PPFIA2: variants seen among roughly 807,000 people sequenced by gnomAD.
The protein encoded by PPFIA2 is PPFI scaffold protein A2.
A neutral mutation model predicts 175.5 loss-of-function variants in PPFIA2; 46 were observed. The observed-to-expected ratio is 0.26, with a 90% CI of 0.21 to 0.34. The LOEUF (loss-of-function observed/expected upper bound fraction) is 0.34. PPFIA2 is among the 10% of genes least tolerant of loss of function. The pLI, the probability that PPFIA2 is intolerant of heterozygous loss-of-function variation, is 1.00. For synonymous variants in PPFIA2, 568 were observed against 511.4 expected, an observed-to-expected ratio of 1.11 and a Z score of -1.49; for missense variants, 1,179 against 1,506.1, an observed-to-expected ratio of 0.78 and a Z score of 3.60.
At chr12:81,461,841 C>T (rs577128915) in intron 4 of PPFIA2, among the ~76,000 whole-genome samples, 10 of 152,112 alleles carry the variant, frequency 6.6e-5, no homozygotes, top group Non-Finnish European at 5.9e-5. Context: ...TTTTTAAAAG[C>T]ACTAGTTAGC....
intron 3 of PPFIA2, among the ~76,000 whole-genome samples, chr12:81,709,127 A>G (rs1477625049): frequency 6.6e-6 from 1 of 152,074 alleles, no homozygotes; most frequent in Non-Finnish European, 1.5e-5. Context: ...GGTTCCTCAC[A>G]TAGGGCTTCT....
chr12:81,470,451 C>A (rs2056523085), intron 4 of PPFIA2, among the ~76,000 whole-genome samples: 1 of 152,156 alleles, frequency 6.6e-6, no homozygotes, highest in Non-Finnish European at 1.5e-5. Context: ...TGCAGAGGAG[C>A]CTCATACACT....
chr12:81,265,291 CAAAAAAAAAAAAAA>C (rs571821814), intron 30 of PPFIA2, among the ~76,000 whole-genome samples: 5 of 70,002 alleles, frequency 7.1e-5, no homozygotes, highest in Non-Finnish European at 4.9e-5. Context: ...GAAACTCTGT[CAAAAAAAAAAAAAA>C]AAAAAAAAAA....
intron 16 of PPFIA2, among the ~76,000 whole-genome samples, chr12:81,355,140 G>A (rs1192386074): frequency 2.0e-5 from 3 of 151,938 alleles, no homozygotes; most frequent in East Asian, 1.9e-4. Flanking sequence ...CTTTATCCAC[G>A]GGCTACAGAA....
At chr12:81,440,240 A>G (rs922249322) in intron 6 of PPFIA2, among the ~76,000 whole-genome samples, 194 bp from the exon 7 acceptor site, 5 of 152,158 alleles carry the variant, frequency 3.3e-5, no homozygotes, top group Non-Finnish European at 7.4e-5. Flanking sequence ...CACTGTATCA[A>G]GGGATTTCCT....
At chr12:81,267,192 A>AG in intron 29 of PPFIA2, 172 bp from the exon 30 acceptor site, 1 of 610,862 alleles carries the variant, frequency 1.6e-6, no homozygotes, top group Admixed American at 2.8e-5. Flanking sequence ...TACAAAAAAA[A>AG]CAGGGCTTTT....
intron 6 of PPFIA2, among the ~76,000 whole-genome samples, chr12:81,444,099 C>A (rs913388625): frequency 1.8e-4 from 28 of 151,794 alleles, no homozygotes; most frequent in African/African-American, 6.5e-4. Flanking sequence ...CGTGATCCGC[C>A]CGCCTCGGCC....
At chr12:81,661,714 A>G (rs2068906348) in intron 4 of PPFIA2, among the ~76,000 whole-genome samples, 1 of 152,210 alleles carries the variant, frequency 6.6e-6, no homozygotes, top group Non-Finnish European at 1.5e-5. Flanking sequence ...AGACATCTAC[A>G]GAACTCTCCA....
intron 9 of PPFIA2, among the ~76,000 whole-genome samples, chr12:81,376,937 G>C (rs918246379): frequency 1.3e-5 from 2 of 151,762 alleles, no homozygotes; most frequent in Admixed American, 6.6e-5. Context: ...TAAACAGACA[G>C]CCTTTCTTCC....
intron 11 of PPFIA2, among the ~76,000 whole-genome samples, chr12:81,372,070 T>C (rs532787598): frequency 7.0e-4 from 106 of 151,990 alleles, no homozygotes; most frequent in African/African-American, 2.4e-3. Flanking sequence ...GTGAAAACTA[T>C]AGTTTTAGCA....
intron 3 of PPFIA2, among the ~76,000 whole-genome samples, chr12:81,742,080 A>T (rs1353926128): frequency 6.6e-6 from 1 of 152,324 alleles, no homozygotes; most frequent in East Asian, 1.9e-4. Context: ...GGACAGCAAG[A>T]ACACCAGGAT....
At chr12:81,328,741 A>G (rs2055392671) in intron 21 of PPFIA2, among the ~76,000 whole-genome samples, 1 of 151,914 alleles carries the variant, frequency 6.6e-6, no homozygotes, top group Non-Finnish European at 1.5e-5. Flanking sequence ...CATATTGGAC[A>G]GGGGACAAGG....
chr12:81,400,977 C>T (rs1032697920), intron 8 of PPFIA2, among the ~76,000 whole-genome samples: 1 of 152,096 alleles, frequency 6.6e-6, no homozygotes, highest in African/African-American at 2.4e-5. Flanking sequence ...AGTGTGACTA[C>T]TGTTTTGTGA....
intron 22 of PPFIA2, among the ~76,000 whole-genome samples, chr12:81,325,359 T>C (rs1594827738): frequency 6.6e-6 from 1 of 152,124 alleles, no homozygotes; most frequent in Admixed American, 6.6e-5. Context: ...AAAATAAGTT[T>C]ATATTCAATC....
chr12:81,578,735 C>T (rs896236316), intron 4 of PPFIA2, among the ~76,000 whole-genome samples: 1 of 151,658 alleles, frequency 6.6e-6, no homozygotes, highest in Non-Finnish European at 1.5e-5. Context: ...TGCCCAAAGT[C>T]ACATGGTTAG....
At position 81,445,644 on chromosome 12, in the gene PPFIA2, G is replaced by A; in HGVS notation, c.482C>T (p.Ala161Val). Residue 161 changes from alanine to valine, a missense_variant, in exon 6 of 33, where the codon GCC becomes GTC. Physicochemically the swap from Ala to Val is moderately conservative, Grantham distance 64 (BLOSUM62 0). This residue lies in a region of PPFIA2 where 49 missense variants were observed against 108.9 expected (regional missense o/e 0.45). Transcript: ENST00000549396. ...ACTGGATACTCCTGAGGGAGACTGG[G>A]CTTGCCGTTTTACCACCGTCATTCT... is the stretch of plus-strand genomic sequence containing the variant. ...SLRMTVVKRQ[A>V]QSPSGVSSEV... 6.2e-7 allele frequency: 1 copy of A among 1,613,860 alleles called. No individual in the cohort carries two copies. Among genetic ancestry groups the A allele is most frequent in the Non-Finnish European group, 8.5e-7 (1 of 1,179,830 alleles).
chr12:81,530,529 A>T (rs992290688), intron 4 of PPFIA2, among the ~76,000 whole-genome samples: 3 of 151,876 alleles, frequency 2.0e-5, no homozygotes, highest in South Asian at 4.1e-4. Context: ...AGCAACTTTT[A>T]AAAAAATTGT....
chr12:81,691,484 T>A (rs1054736799), intron 3 of PPFIA2, among the ~76,000 whole-genome samples: 2 of 152,126 alleles, frequency 1.3e-5, no homozygotes, highest in African/African-American at 2.4e-5. Flanking sequence ...GAAATTCCTT[T>A]TATTATATAC....
chr12:81,540,165 C>T (rs1449709624), intron 4 of PPFIA2, among the ~76,000 whole-genome samples: 2 of 151,774 alleles, frequency 1.3e-5, no homozygotes, highest in Non-Finnish European at 2.9e-5. Flanking sequence ...GTTCTCTTGC[C>T]CTATCAAAGC....
Sources: gnomAD v4.1 joint callset for allele counts (sites outside exome capture counted in the v4.1 genomes callset) on GRCh38, gnomAD v4.1.1 for gene constraint, gnomAD v4.1.1 regional missense constraint, MANE v1.5 for transcripts, NCBI Gene and HGNC (gene_info 2026-07-23, HGNC 2026-07-21) for gene names.